The following GABBR2 variants were observed in gnomAD, a reference collection of about 807,000 sequenced individuals.
The protein encoded by GABBR2 is gamma-aminobutyric acid type B receptor subunit 2.
GABBR2 carries 23 observed loss-of-function variants against 105.6 expected under a neutral mutation model. The observed-to-expected ratio is 0.22, with a 90% CI of 0.16 to 0.31. The LOEUF (loss-of-function observed/expected upper bound fraction) is 0.31, where lower values mean the gene tolerates loss of function less well. Ranked by LOEUF, GABBR2 falls within the 10% of genes least tolerant of loss-of-function variation. GABBR2 has a pLI of 1.00. For missense variants in GABBR2, 734 were observed against 1,245.5 expected, an observed-to-expected ratio of 0.59 and a Z score of 6.18; for synonymous variants, 478 against 499.7, an observed-to-expected ratio of 0.96 and a Z score of 0.58.
chr9:98,313,938 G>A (rs1219490382), intron 13 of GABBR2, among the ~76,000 whole-genome samples: 2 of 152,168 alleles, frequency 1.3e-5, no homozygotes, highest in African/African-American at 4.8e-5. Flanking sequence ...GAGCTAGGAG[G>A]GGTGGGACCT....
intron 2 of GABBR2, among the ~76,000 whole-genome samples, chr9:98,543,945 G>A (rs550307108): frequency 2.0e-5 from 3 of 151,978 alleles, no homozygotes; most frequent in African/African-American, 7.2e-5. Flanking sequence ...TCATATTTAA[G>A]AAAGGCCTCT....
intron 1 of GABBR2, among the ~76,000 whole-genome samples, chr9:98,604,204 C>T (rs1178660563): frequency 2.6e-5 from 4 of 152,196 alleles, no homozygotes; most frequent in Non-Finnish European, 5.9e-5. Flanking sequence ...CCTGATGATC[C>T]GGGTACACAC....
intron 1 of GABBR2, among the ~76,000 whole-genome samples, chr9:98,630,109 T>C (rs1829797108): frequency 6.6e-6 from 1 of 152,216 alleles, no homozygotes; most frequent in African/African-American, 2.4e-5. Context: ...TGAATTTCTG[T>C]ATGGTTTATG....
chr9:98,576,122 G>A (rs73494467), intron 2 of GABBR2, among the ~76,000 whole-genome samples: 15,888 of 152,150 alleles, frequency 0.1, 1,154 homozygotes, highest in African/African-American at 0.21. Flanking sequence ...TGCAAGCTTG[G>A]GCTCCACCCC....
chr9:98,631,462 T>C (rs907055906), intron 1 of GABBR2, among the ~76,000 whole-genome samples: 1 of 152,218 alleles, frequency 6.6e-6, no homozygotes, highest in Non-Finnish European at 1.5e-5. Flanking sequence ...ATTCAACACA[T>C]TGAGGATAAA....
chr9:98,293,395 G>A (rs1830331398), intron 18 of GABBR2, among the ~76,000 whole-genome samples: 1 of 152,076 alleles, frequency 6.6e-6, no homozygotes, highest in Non-Finnish European at 1.5e-5. Context: ...ATTTTAGTCC[G>A]TTTTCTTCAC....
intron 7 of GABBR2, among the ~76,000 whole-genome samples, chr9:98,414,065 TG>T (rs1228776445): frequency 2.0e-5 from 3 of 152,230 alleles, no homozygotes; most frequent in Non-Finnish European, 4.4e-5. Context: ...AAAATCAACA[TG>T]GTCCTAGATT....
At chr9:98,631,330 A>C (rs922159264) in intron 1 of GABBR2, among the ~76,000 whole-genome samples, 2 of 152,218 alleles carry the variant, frequency 1.3e-5, no homozygotes, top group South Asian at 4.1e-4. Flanking sequence ...CCTAAGCCTC[A>C]GTTTCCTCAT....
At chr9:98,560,262 A>G (rs1172241848) in intron 2 of GABBR2, among the ~76,000 whole-genome samples, 1 of 152,184 alleles carries the variant, frequency 6.6e-6, no homozygotes, top group Non-Finnish European at 1.5e-5. Flanking sequence ...CTAGGAATAT[A>G]TTAAGTTTCT....
intron 4 of GABBR2, among the ~76,000 whole-genome samples, chr9:98,484,023 C>T (rs895743568): frequency 7.2e-5 from 11 of 152,204 alleles, no homozygotes; most frequent in South Asian, 2.1e-4. Context: ...GCCTGGCCTA[C>T]GCTGCTTATT....
rs553829868 is a variant in GABBR2, at chr9:98,347,676, T to A, written c.1893+15039A>T. On this transcript the variant is annotated intron_variant, in intron 13 of 18. Coordinates refer to ENST00000259455, the MANE Select transcript of GABBR2 (RefSeq NM_005458.8). ...CCAATGTTTTGAAGCATTTCCCCTA[T>A]ATTTTATTCTAGTAGTTCTATATAT... Among the ~76,000 whole-genome samples, 217 of 152,314 alleles carry A rather than the reference T, an allele frequency of 1.4e-3. 1 individual carries two copies. The highest frequency in any genetic ancestry group is 2.3e-3 in the Non-Finnish European group (157 of 68,020).
chr9:98,462,241 C>A (rs895356721), intron 6 of GABBR2, among the ~76,000 whole-genome samples: 9 of 152,206 alleles, frequency 5.9e-5, no homozygotes, highest in African/African-American at 2.2e-4. Flanking sequence ...ACTTTTTTCT[C>A]CCCATCCTGA....
At chr9:98,650,101 CT>C (rs1487823811) in intron 1 of GABBR2, among the ~76,000 whole-genome samples, 1 of 152,206 alleles carries the variant, frequency 6.6e-6, no homozygotes, top group Non-Finnish European at 1.5e-5. Context: ...AATATTTCCT[CT>C]TTTAACTAGA....
At chr9:98,674,154 A>T (rs1321627559) in intron 1 of GABBR2, among the ~76,000 whole-genome samples, 1 of 152,190 alleles carries the variant, frequency 6.6e-6, no homozygotes, top group Non-Finnish European at 1.5e-5. Context: ...TCCACTGCCC[A>T]GGATGGTGCC....
At chr9:98,652,571 A>G (rs1830123651) in intron 1 of GABBR2, among the ~76,000 whole-genome samples, 1 of 152,116 alleles carries the variant, frequency 6.6e-6, no homozygotes, top group Non-Finnish European at 1.5e-5. Context: ...ATGCTCTAGA[A>G]AAAGCTCTGC....
At chr9:98,352,713 G>A (rs149984095) in intron 13 of GABBR2, among the ~76,000 whole-genome samples, 1 of 152,108 alleles carries the variant, frequency 6.6e-6, no homozygotes, top group South Asian at 2.1e-4. Context: ...CAATTCTCAG[G>A]CTCTGGGGAG....
At chr9:98,309,339 G>A (rs1392652595) in intron 14 of GABBR2, among the ~76,000 whole-genome samples, 2 of 152,192 alleles carry the variant, frequency 1.3e-5, no homozygotes, top group East Asian at 1.9e-4. Flanking sequence ...ATGATTCATC[G>A]TAATCTATTT....
chr9:98,346,552 C>T (rs1831306924), intron 13 of GABBR2, among the ~76,000 whole-genome samples: 1 of 152,176 alleles, frequency 6.6e-6, no homozygotes, highest in African/African-American at 2.4e-5. Context: ...TCACCTTGAA[C>T]ATTTATCATT....
chr9:98,420,860 T>C (rs898301927), intron 7 of GABBR2, among the ~76,000 whole-genome samples: 7 of 152,014 alleles, frequency 4.6e-5, no homozygotes, highest in Non-Finnish European at 2.9e-5. Flanking sequence ...TAGTTCTAGG[T>C]TGAAGGGTGG....
Sources: gnomAD v4.1 joint callset for allele counts (sites outside exome capture counted in the v4.1 genomes callset) on GRCh38, gnomAD v4.1.1 for gene constraint, MANE v1.5 for transcripts, NCBI Gene and HGNC (gene_info 2026-07-23, HGNC 2026-07-21) for gene names.